The following GABRG3 variants were observed in gnomAD, a reference collection of about 807,000 sequenced individuals.
GABRG3 encodes gamma-aminobutyric acid receptor subunit gamma-3.
In GABRG3, 25 loss-of-function variants were observed where a neutral mutation model predicts 48.8. The ratio of observed to expected loss-of-function variants is 0.51; its 90% CI spans 0.37 to 0.72. The LOEUF (loss-of-function observed/expected upper bound fraction) is 0.72. GABRG3 is among the 30% of genes least tolerant of loss of function. The pLI is 0.00. For missense variants in GABRG3, 394 were observed against 577.9 expected (o/e 0.68, Z 3.26); for synonymous variants, 227 against 217.6 (o/e 1.04, Z -0.38).
intron 5 of GABRG3, among the ~76,000 whole-genome samples, chr15:27,336,224 G>A (rs944275744): frequency 2.1e-5 from 3 of 144,516 alleles, no homozygotes; most frequent in Admixed American, 6.8e-5. Context: ...GAGAGAGAGA[G>A]AGAGAGAGAG....
At chr15:27,124,813 A>G (rs961486978) in intron 3 of GABRG3, among the ~76,000 whole-genome samples, 44 of 152,310 alleles carry the variant, frequency 2.9e-4, no homozygotes, top group African/African-American at 1.0e-3. Flanking sequence ...AAAACCCTGG[A>G]GGAGCTGTTC....
chr15:27,151,172 G>A (rs987247179), intron 3 of GABRG3, among the ~76,000 whole-genome samples: 5 of 152,112 alleles, frequency 3.3e-5, no homozygotes, highest in African/African-American at 1.2e-4. Flanking sequence ...CATTGGTAAA[G>A]ATAGATAGAT....
At chr15:27,293,398 G>A (rs994305701) in intron 3 of GABRG3, among the ~76,000 whole-genome samples, 1 of 152,134 alleles carries the variant, frequency 6.6e-6, no homozygotes, top group African/African-American at 2.4e-5. Context: ...GTTAAGAATT[G>A]AGAGCTGGGG....
intron 3 of GABRG3, among the ~76,000 whole-genome samples, chr15:27,308,302 ATATAAACAT>A (rs1566773752): frequency 0.01 from 1,254 of 123,020 alleles, 62 homozygotes; most frequent in African/African-American, 0.045. Context: ...TATAAACATC[ATATAAACAT>A]ATATAAACAT....
In GABRG3 at chr15:27,489,921, G is replaced by C. The variant is rs553905409; in HGVS notation, c.712+9134G>C. 1.0e-3 allele frequency among the ~76,000 whole-genome samples: 153 copies of C among 152,238 alleles called. 1 individual carries two copies. Among genetic ancestry groups the C allele is most frequent in the African/African-American group, 3.6e-3 (149 of 41,548 alleles). ...TTGGCTTTTGTTGCCATTGCTTTTGGTGTTTTAGTCATGAAGTCTTTGCCC... is the reference window on the plus strand; with the variant it reads ...TTGGCTTTTGTTGCCATTGCTTTTGCTGTTTTAGTCATGAAGTCTTTGCCC... On this transcript the variant is annotated intron_variant, in intron 6 of 9. Coordinates refer to ENST00000615808, the MANE Select transcript of GABRG3 (RefSeq NM_033223.5).
chr15:27,237,230 C>T (rs958598704), intron 3 of GABRG3, among the ~76,000 whole-genome samples: 3 of 152,166 alleles, frequency 2.0e-5, no homozygotes, highest in South Asian at 2.1e-4. Context: ...CCAGTGCTGA[C>T]CCACGAGCAG....
At chr15:27,079,644 G>T (rs535900394) in intron 3 of GABRG3, among the ~76,000 whole-genome samples, 3 of 152,078 alleles carry the variant, frequency 2.0e-5, no homozygotes, top group African/African-American at 7.2e-5. Context: ...AAGCTTGATG[G>T]TTCTCACCAG....
chr15:27,308,573 A>T (rs1476342305), intron 3 of GABRG3, among the ~76,000 whole-genome samples: 1 of 147,510 alleles, frequency 6.8e-6, no homozygotes, highest in Non-Finnish European at 1.5e-5. Flanking sequence ...ATATAAACAT[A>T]ATGTAAACAT....
In GABRG3 at chr15:27,537,300, G is replaced by A. The variant is rs531139154; in HGVS notation, c.*4419G>A. ...AATACGGGGGAAAGAACCAGACTACGAATACATTGGAAATGTTAAATTTAC... is the reference window on the plus strand; with the variant it reads ...AATACGGGGGAAAGAACCAGACTACAAATACATTGGAAATGTTAAATTTAC... On this transcript the variant is annotated 3_prime_UTR_variant, in exon 10 of 10. Transcript: ENST00000615808. 2.0e-5 allele frequency: 3 copies of A among 152,188 alleles called. No homozygotes were observed. The highest frequency in any genetic ancestry group is 1.9e-4 in the East Asian group (1 of 5,180). The allele number at this position is 152,188 out of a possible 1,614,324, so 9.4% of individuals were successfully genotyped here. A position where few individuals can be genotyped will look rare whatever the true frequency, so the allele number is the denominator to read the frequency against.
intron 3 of GABRG3, among the ~76,000 whole-genome samples, chr15:27,125,680 G>T (rs896850080): frequency 6.6e-6 from 1 of 152,154 alleles, no homozygotes; most frequent in Non-Finnish European, 1.5e-5. Context: ...AACTTTGTTC[G>T]ATATTAGCAT....
At chr15:27,424,370 T>A (rs1450434180) in intron 5 of GABRG3, among the ~76,000 whole-genome samples, 1 of 152,128 alleles carries the variant, frequency 6.6e-6, no homozygotes, top group Non-Finnish European at 1.5e-5. Flanking sequence ...TGACAGCAGG[T>A]TCAGTGTCTA....
chr15:27,468,284 C>T (rs951833388), intron 5 of GABRG3, among the ~76,000 whole-genome samples: 1 of 152,092 alleles, frequency 6.6e-6, no homozygotes, highest in African/African-American at 2.4e-5. Flanking sequence ...GGATTTGGGG[C>T]TTTTATCTTT....
At chr15:27,324,765 C>CT (rs909579197) in intron 3 of GABRG3, among the ~76,000 whole-genome samples, 1 of 152,208 alleles carries the variant, frequency 6.6e-6, no homozygotes, top group Non-Finnish European at 1.5e-5. Flanking sequence ...ATGCCAAGAG[C>CT]TGCTGTGCAT....
chr15:27,506,066 T>G (rs4778146), intron 6 of GABRG3, among the ~76,000 whole-genome samples: 1 of 151,976 alleles, frequency 6.6e-6, no homozygotes, highest in Non-Finnish European at 1.5e-5. Context: ...TTCCCTTACC[T>G]TCCCGTAATG....
intron 5 of GABRG3, among the ~76,000 whole-genome samples, chr15:27,452,214 A>C (rs1203289818): frequency 1.3e-5 from 2 of 152,232 alleles, no homozygotes; most frequent in Non-Finnish European, 2.9e-5. Context: ...GCTGTTACCC[A>C]AAAGGCAAAA....
intron 3 of GABRG3, among the ~76,000 whole-genome samples, chr15:27,086,376 T>C (rs536454383): frequency 8.7e-4 from 132 of 152,286 alleles, no homozygotes; most frequent in African/African-American, 3.0e-3. Flanking sequence ...TCCAGATCCA[T>C]GTCTGTGTCA....
intron 3 of GABRG3, among the ~76,000 whole-genome samples, chr15:27,182,559 C>T (rs966370322): frequency 2.6e-5 from 4 of 152,162 alleles, no homozygotes; most frequent in Non-Finnish European, 5.9e-5. Flanking sequence ...TGGGCTTCCG[C>T]TCCTGGTCTA....
In GABRG3 at chr15:27,035,658, C is replaced by T. The variant is rs143471585; in HGVS notation, c.270+8837C>T. Among the ~76,000 whole-genome samples the T allele has an allele frequency of 2.2e-3, 339 of 152,316 alleles. 3 individuals carry two copies. Among genetic ancestry groups the T allele is most frequent in the Non-Finnish European group, 4.2e-3 (284 of 68,030 alleles). On this transcript the variant is annotated intron_variant, in intron 3 of 9. Coordinates refer to ENST00000615808, the MANE Select transcript of GABRG3 (RefSeq NM_033223.5). Reference sequence around the variant, plus strand: ...TTTGCTGCAAGCCCCCGCACAGGCCCCACTTGCCTAGAGACAGGGAGCCAC... The same window carrying T: ...TTTGCTGCAAGCCCCCGCACAGGCCTCACTTGCCTAGAGACAGGGAGCCAC...
At chr15:27,496,211 C>T (rs1890483188) in intron 6 of GABRG3, among the ~76,000 whole-genome samples, 1 of 152,228 alleles carries the variant, frequency 6.6e-6, no homozygotes, top group African/African-American at 2.4e-5. Context: ...CTCTCTTGAG[C>T]TTCTCTCATG....
Sources: allele counts gnomAD v4.1 joint callset (sites outside exome capture counted in the v4.1 genomes callset), GRCh38; gene constraint gnomAD v4.1.1; transcripts MANE v1.5; gene names NCBI Gene and HGNC (gene_info 2026-07-23, HGNC 2026-07-21).